The following B4GALT6 variants were observed in gnomAD, a reference collection of about 807,000 sequenced individuals.
The protein encoded by B4GALT6 is beta-1,4-galactosyltransferase 6.
Under a neutral mutation model 46.3 loss-of-function variants are expected in B4GALT6, and 14 were observed. The ratio of observed to expected loss-of-function variants is 0.30; its 90% confidence interval spans 0.20 to 0.47. The LOEUF (loss-of-function observed/expected upper bound fraction) is 0.47, where lower values mean the gene tolerates loss of function less well. B4GALT6 is among the 20% of genes least tolerant of loss of function. The pLI is 0.99. For missense variants in B4GALT6, 386 were observed against 480.1 expected (o/e 0.80, Z 1.83); for synonymous variants, 168 against 162.0 (o/e 1.04, Z -0.28).
intron 3 of B4GALT6, among the ~76,000 whole-genome samples, chr18:31,650,278 C>G (rs775903806): frequency 1.7e-4 from 26 of 152,246 alleles, no homozygotes; most frequent in Non-Finnish European, 3.2e-4. Context: ...GTCAAAGTTT[C>G]TGTGTCAGTT....
chr18:31,706,576 A>G, the B4GALT6 span, among the ~76,000 whole-genome samples: 2 of 152,174 alleles, frequency 1.3e-5, no homozygotes, highest in Non-Finnish European at 2.9e-5. Flanking sequence ...GGCTGTAGTG[A>G]GCTGAGATGG....
rs558606245 is a variant in B4GALT6, at chr18:31,651,857, A to G, written c.346+6119T>C. Among the ~76,000 whole-genome samples the G allele has an allele frequency of 2.3e-4, 35 of 151,706 alleles. 1 individual carries two copies. Among genetic ancestry groups the G allele is most frequent in the South Asian group, 4.2e-4 (2 of 4,792 alleles). ...GAGATCTCAGCTCACTGCCAGCTCC[A>G]CCTCCTGGGTTCACGCCATTCTCCT... On this transcript the variant is annotated intron_variant, in intron 3 of 8. Transcript: ENST00000306851.
the B4GALT6 span, among the ~76,000 whole-genome samples, chr18:31,701,303 G>A: frequency 6.6e-6 from 1 of 152,134 alleles, no homozygotes; most frequent in African/African-American, 2.4e-5. Flanking sequence ...TCTTGCTCCT[G>A]CTCTGGCCAT....
chr18:31,658,587 A>C (rs190020478), intron 2 of B4GALT6: 1 of 152,366 alleles, frequency 6.6e-6, no homozygotes, highest in African/African-American at 2.4e-5. Context: ...CTAAACCTTT[A>C]AGTTAGTCAT....
At chr18:31,713,279 G>T in the B4GALT6 span, among the ~76,000 whole-genome samples, 1 of 152,200 alleles carries the variant, frequency 6.6e-6, no homozygotes, top group Non-Finnish European at 1.5e-5. Context: ...TTGAGAACAG[G>T]AAGTAGAGGC....
intron 4 of B4GALT6, among the ~76,000 whole-genome samples, chr18:31,642,688 C>T (rs1208942918): frequency 1.3e-5 from 2 of 152,200 alleles, no homozygotes; most frequent in Non-Finnish European, 2.9e-5. Flanking sequence ...CTAGGAATTG[C>T]TGAAATTACT....
Position 31,625,395 on chromosome 18 carries a change from C to A in B4GALT6, c.*219G>T, listed in dbSNP as rs1293113977. 4.6e-6 allele frequency: 2 copies of A among 438,182 alleles called. No homozygotes were observed. Among genetic ancestry groups the A allele is most frequent in the Non-Finnish European group, 7.9e-6 (2 of 253,324 alleles). 27.1% of individuals were successfully genotyped at this position (438,182 alleles called of 1,614,324 possible). A position where few individuals can be genotyped will look rare whatever the true frequency, so the allele number is the denominator to read the frequency against. ...CTTCCGATCTTAAGTAGTGGCTTCC[C>A]GTTTCTGCGGTGCTCGCCACAGGGG... On this transcript the variant is annotated 3_prime_UTR_variant, in exon 9 of 9. Transcript: ENST00000306851.
In B4GALT6 at chr18:31,623,738, A is replaced by T. The variant is rs1158974151; in HGVS notation, c.*1876T>A. 1 of 152,034 alleles carries T rather than the reference A, an allele frequency of 6.6e-6. No homozygotes were observed. The highest frequency in any genetic ancestry group is 1.5e-5 in the Non-Finnish European group (1 of 67,852). The allele number at this position is 152,034 out of a possible 1,614,324, so 9.4% of individuals were successfully genotyped here. On this transcript the variant is annotated 3_prime_UTR_variant, in exon 9 of 9. Coordinates refer to ENST00000306851, the MANE Select transcript of B4GALT6 (RefSeq NM_004775.5). ...ATGAAAATATTTTGTTTGGTATCAT[A>T]ACACAGAAGCTATCCATTTTCTCAA...
At chr18:31,707,231 C>CTT in the B4GALT6 span, among the ~76,000 whole-genome samples, 1,236 of 140,040 alleles carry the variant, frequency 8.8e-3, 41 homozygotes, top group East Asian at 0.094. Context: ...TCTTTTCTTT[C>CTT]TTTTTTTTTT....
At chr18:31,685,103 G>A (rs1218653505), upstream of B4GALT6, among the ~76,000 whole-genome samples, 1 of 145,714 alleles carries the variant, frequency 6.9e-6, no homozygotes, top group Non-Finnish European at 1.5e-5. Flanking sequence ...GCCGGGCCCC[G>A]GCGCCCCGCG....
At chr18:31,653,287 G>A (rs866191247) in intron 3 of B4GALT6, among the ~76,000 whole-genome samples, 2 of 151,892 alleles carry the variant, frequency 1.3e-5, no homozygotes, top group South Asian at 2.1e-4. Context: ...TCTCCAGTCC[G>A]GGAATACACA....
rs186754878 is a variant in B4GALT6, at chr18:31,636,726, A to G, written c.588+1918T>C. Among the ~76,000 whole-genome samples, 22 of 152,400 alleles carry G rather than the reference A, an allele frequency of 1.4e-4. 1 individual carries two copies. In the East Asian group the frequency reaches 2.3e-3, roughly 16 times the overall value. On this transcript the variant is annotated intron_variant, in intron 5 of 8. Coordinates refer to ENST00000306851, the MANE Select transcript of B4GALT6 (RefSeq NM_004775.5). ...AGCTGCTATGGAGAACTGGTCTTTA[A>G]GTGTTATCAGATCTTTTTTAGGTTT...
At chr18:31,656,300 A>C (rs2074137943) in intron 3 of B4GALT6, among the ~76,000 whole-genome samples, 1 of 152,208 alleles carries the variant, frequency 6.6e-6, no homozygotes, top group Non-Finnish European at 1.5e-5. Flanking sequence ...ATACATCAGA[A>C]TATGGATAAA....
intron 5 of B4GALT6, among the ~76,000 whole-genome samples, chr18:31,635,958 T>C (rs1372964411): frequency 6.6e-6 from 1 of 152,238 alleles, no homozygotes; most frequent in Non-Finnish European, 1.5e-5. Flanking sequence ...GCAGACCTTT[T>C]AGTAGAAACT....
At chr18:31,660,292 GT>G (rs1172352404) in intron 2 of B4GALT6, among the ~76,000 whole-genome samples, 1 of 151,706 alleles carries the variant, frequency 6.6e-6, no homozygotes, top group Non-Finnish European at 1.5e-5. Context: ...CAAAATTCTT[GT>G]TTTTTTCTTT....
chr18:31,699,952 G>T, the B4GALT6 span, among the ~76,000 whole-genome samples: 1 of 152,188 alleles, frequency 6.6e-6, no homozygotes, highest in Non-Finnish European at 1.5e-5. Flanking sequence ...TGAAAATAAA[G>T]AGGAAATTAC....
At chr18:31,711,588 T>A in the B4GALT6 span, among the ~76,000 whole-genome samples, 1 of 152,214 alleles carries the variant, frequency 6.6e-6, no homozygotes, top group African/African-American at 2.4e-5. Context: ...TTACCAGAGG[T>A]TGCACAGAAA....
the B4GALT6 span, among the ~76,000 whole-genome samples, chr18:31,701,413 A>G: frequency 1.3e-5 from 2 of 152,218 alleles, no homozygotes; most frequent in African/African-American, 4.8e-5. Flanking sequence ...CAGCCTGCAG[A>G]ACCCTGAGCC....
upstream of B4GALT6, chr18:31,684,803 C>T (rs1250108580): frequency 9.8e-7 from 1 of 1,022,264 alleles, no homozygotes; most frequent in Non-Finnish European, 1.2e-6. Context: ...GCAGGCTGCG[C>T]GCCGCGGCGC....
Sources: allele counts gnomAD v4.1 joint callset (sites outside exome capture counted in the v4.1 genomes callset), GRCh38; gene constraint gnomAD v4.1.1; transcripts MANE v1.5; gene names NCBI Gene and HGNC (gene_info 2026-07-23, HGNC 2026-07-21).